The following HELZ variants were observed in gnomAD, a reference collection of about 807,000 sequenced individuals.
HELZ encodes the protein ATP-dependent RNA helicase with zinc finger domain.
In HELZ, 23 loss-of-function variants were observed where a neutral mutation model predicts 218.2. The ratio of observed to expected loss-of-function variants is 0.11; its 90% confidence interval spans 0.08 to 0.15. The LOEUF (loss-of-function observed/expected upper bound fraction) is 0.15, where lower values mean the gene tolerates loss of function less well. HELZ is among the 10% of genes least tolerant of loss of function. The pLI is 1.00. For missense variants in HELZ, 1,813 were observed against 2,353.7 expected (o/e 0.77, Z 4.75); for synonymous variants, 814 against 829.4 (o/e 0.98, Z 0.32).
intron 17 of HELZ, among the ~76,000 whole-genome samples, chr17:67,158,587 T>C (rs1445452193): frequency 6.6e-6 from 1 of 152,222 alleles, no homozygotes; most frequent in Admixed American, 6.5e-5. Context: ...GGCTTTTTCT[T>C]ACTTTATTCC....
At chr17:67,114,426 T>C in intron 27 of HELZ, 23 bp from the exon 28 acceptor site, 2 of 1,446,456 alleles carry the variant, frequency 1.4e-6, no homozygotes, top group Non-Finnish European at 1.9e-6. Flanking sequence ...TTAAAAATCC[T>C]TATAAGTTTT....
At chr17:67,084,793 T>C (rs2036312944) in intron 32 of HELZ, among the ~76,000 whole-genome samples, 1 of 152,032 alleles carries the variant, frequency 6.6e-6, no homozygotes, top group African/African-American at 2.4e-5. Context: ...TGCCAGGAAA[T>C]TCAAATATGA....
intron 12 of HELZ, among the ~76,000 whole-genome samples, chr17:67,183,788 C>T (rs1275947481): frequency 6.6e-6 from 1 of 151,970 alleles, no homozygotes; most frequent in Non-Finnish European, 1.5e-5. Flanking sequence ...TTTTGAAAAG[C>T]CTATCCTTAG....
At chr17:67,155,518 T>C (rs1374616091) in intron 17 of HELZ, among the ~76,000 whole-genome samples, 3 of 152,196 alleles carry the variant, frequency 2.0e-5, no homozygotes, top group Non-Finnish European at 2.9e-5. Flanking sequence ...AAAGGAAATA[T>C]GCATATTATT....
At chr17:67,148,319 T>A (rs754923788) in intron 20 of HELZ, among the ~76,000 whole-genome samples, 2 of 152,192 alleles carry the variant, frequency 1.3e-5, no homozygotes, top group Non-Finnish European at 2.9e-5. Flanking sequence ...TCTGTGTTAA[T>A]TGTTGTGAGA....
rs35467630 is a variant in HELZ, at chr17:67,078,238, G to GAA, written c.*12_*13dup. ...GAAATTAAAACATTCTCCCTTGAGGGAAAAAAAAAGTGATTATTTAAAATA... is the reference window on the plus strand; with the variant it reads ...GAAATTAAAACATTCTCCCTTGAGGGAAAAAAAAAAAGTGATTATTTAAAATA... On this transcript the variant is annotated 3_prime_UTR_variant, in exon 33 of 33. Transcript: ENST00000358691. 3.7e-4 allele frequency: 565 copies of GAA among 1,536,778 alleles called. No homozygotes were observed. The highest frequency in any genetic ancestry group is 6.7e-4 in the East Asian group (28 of 41,670).
chr17:67,107,714 AAAAC>A, intron 30 of HELZ, 29 bp from the exon 31 acceptor site: 1 of 1,577,400 alleles, frequency 6.3e-7, no homozygotes, highest in Non-Finnish European at 8.6e-7. Context: ...ATATGAGGAG[AAAAC>A]AAAAGGCTCC....
At chr17:67,170,710 A>G (rs1443220944) in intron 13 of HELZ, among the ~76,000 whole-genome samples, 2 of 151,758 alleles carry the variant, frequency 1.3e-5, no homozygotes, top group East Asian at 3.9e-4. Flanking sequence ...CCTGTAGTCC[A>G]TAGCTACAAG....
At chr17:67,128,505 T>A (rs758218389) in intron 24 of HELZ, 146 bp downstream of exon 24, 2 of 712,376 alleles carry the variant, frequency 2.8e-6, no homozygotes, top group African/African-American at 3.5e-5. Context: ...ATGTCCACAC[T>A]AAACAAGCTC....
chr17:67,101,876 A>T (rs924653743), intron 31 of HELZ, among the ~76,000 whole-genome samples: 1 of 152,250 alleles, frequency 6.6e-6, no homozygotes. Flanking sequence ...ACTGGCATTT[A>T]AAATCAAATT....
At chr17:67,099,702 G>A (rs191997164) in intron 31 of HELZ, among the ~76,000 whole-genome samples, 164 of 152,160 alleles carry the variant, frequency 1.1e-3, no homozygotes, top group Middle Eastern at 3.4e-3. Flanking sequence ...AATATATGAC[G>A]TTATCAAGCC....
At chr17:67,213,858 G>A (rs1457231811) in intron 5 of HELZ, among the ~76,000 whole-genome samples, 1 of 152,166 alleles carries the variant, frequency 6.6e-6, no homozygotes, top group Non-Finnish European at 1.5e-5. Flanking sequence ...ATTGGAGCCA[G>A]TGTATTAATT....
chr17:67,229,788 G>T (rs890913168), intron 3 of HELZ, among the ~76,000 whole-genome samples: 1 of 152,180 alleles, frequency 6.6e-6, no homozygotes, highest in African/African-American at 2.4e-5. Context: ...AGTCTGCAAA[G>T]TAGTTTTACT....
chr17:67,209,948 G>C (rs1253106377), intron 5 of HELZ, among the ~76,000 whole-genome samples: 1 of 152,142 alleles, frequency 6.6e-6, no homozygotes, highest in African/African-American at 2.4e-5. Flanking sequence ...AGGTGCAGTA[G>C]CTCACACCTG....
At chr17:67,090,314 G>A (rs1451492565) in intron 31 of HELZ, among the ~76,000 whole-genome samples, 8 of 152,144 alleles carry the variant, frequency 5.3e-5, no homozygotes, top group Non-Finnish European at 2.9e-5. Context: ...AATGGCTAAT[G>A]TCTTGCTGAG....
intron 32 of HELZ, among the ~76,000 whole-genome samples, chr17:67,083,971 A>C (rs190612574): frequency 3.9e-5 from 6 of 152,356 alleles, no homozygotes; most frequent in Middle Eastern, 3.4e-3. Flanking sequence ...TATCCATATC[A>C]AACACAATCA....
chr17:67,220,461 T>C (rs550082885), intron 3 of HELZ, among the ~76,000 whole-genome samples: 11 of 152,198 alleles, frequency 7.2e-5, no homozygotes, highest in Non-Finnish European at 1.2e-4. Context: ...CATTCCCTAC[T>C]TTTCTCAGTT....
intron 3 of HELZ, among the ~76,000 whole-genome samples, chr17:67,223,353 TCACATTAAG>T (rs2040802098): frequency 6.6e-6 from 1 of 152,244 alleles, no homozygotes; most frequent in East Asian, 1.9e-4. Context: ...TGGAGCTGAG[TCACATTAAG>T]CACATTAAGC....
intron 31 of HELZ, among the ~76,000 whole-genome samples, chr17:67,099,701 C>T (rs1049748881): frequency 8.5e-5 from 13 of 152,086 alleles, no homozygotes; most frequent in African/African-American, 2.9e-4. Flanking sequence ...TAATATATGA[C>T]GTTATCAAGC....
Sources: gnomAD v4.1 joint callset for allele counts (sites outside exome capture counted in the v4.1 genomes callset) on GRCh38, gnomAD v4.1.1 for gene constraint, MANE v1.5 for transcripts, NCBI Gene and HGNC (gene_info 2026-07-23, HGNC 2026-07-21) for gene names.